CRTC3: variants seen among roughly 807,000 people sequenced by gnomAD.
CRTC3 encodes the protein CREB regulated transcription coactivator 3.
A neutral mutation model predicts 74.5 loss-of-function variants in CRTC3; 26 were observed. That is an observed-to-expected ratio of 0.35 (90% CI 0.26 to 0.48). The LOEUF (loss-of-function observed/expected upper bound fraction) is 0.48. CRTC3 is among the 20% of genes least tolerant of loss of function. CRTC3 has a pLI of 0.99. For synonymous variants in CRTC3, 377 were observed against 325.8 expected, an observed-to-expected ratio of 1.16 and a Z score of -1.69; for missense variants, 760 against 787.3, an observed-to-expected ratio of 0.97 and a Z score of 0.41.
chr15:90,591,110 A>G (rs1349143027), intron 2 of CRTC3, among the ~76,000 whole-genome samples: 1 of 136,142 alleles, frequency 7.3e-6, no homozygotes, highest in Admixed American at 7.4e-5. Context: ...GGGCACCACC[A>G]CGCCCCACTA....
At chr15:90,555,809 T>C (rs1248561806) in intron 2 of CRTC3, among the ~76,000 whole-genome samples, 1 of 152,216 alleles carries the variant, frequency 6.6e-6, no homozygotes, top group Non-Finnish European at 1.5e-5. Flanking sequence ...TGAGCCACCA[T>C]GCCTGGCCTC....
intron 2 of CRTC3, among the ~76,000 whole-genome samples, chr15:90,544,827 CAG>C (rs763659986): frequency 1.3e-5 from 2 of 152,166 alleles, no homozygotes; most frequent in African/African-American, 2.4e-5. Context: ...GGTTAAAAAA[CAG>C]AACATAAAAT....
chr15:90,638,825 C>G lies in CRTC3; in HGVS notation c.1548+10C>G, dbSNP rs756726567. 3.1e-6 allele frequency: 5 copies of G among 1,610,284 alleles called. No individual in the cohort carries two copies. The East Asian group carries it at 1.1e-4, about 36-fold the overall frequency. On this transcript the variant is annotated intron_variant, in intron 13 of 14. Coordinates refer to ENST00000268184, the MANE Select transcript of CRTC3 (RefSeq NM_022769.5). ...TGCCTTTCCTCAACAGGTGGGTGAT[C>G]GCCCCTGCCTTCTCCTCCCTTGGTG...
At chr15:90,601,877 T>C (rs1968079456) in intron 3 of CRTC3, among the ~76,000 whole-genome samples, 1 of 152,238 alleles carries the variant, frequency 6.6e-6, no homozygotes, top group Admixed American at 6.5e-5. Context: ...ACCAGCCCTA[T>C]TGGGGCACTC....
intron 2 of CRTC3, among the ~76,000 whole-genome samples, chr15:90,556,727 A>G (rs1235915904): frequency 6.6e-6 from 1 of 152,134 alleles, no homozygotes; most frequent in African/African-American, 2.4e-5. Flanking sequence ...ATGGTATACA[A>G]TTATGCACAG....
chr15:90,614,695 C>G lies in CRTC3; in HGVS notation c.613+207C>G, dbSNP rs146875484. ...AGAAAGGAAATATGTGGTTGCATTA[C>G]AAAGGTTCCTTTTTATCTAGGTCCC... On this transcript the variant is annotated intron_variant, in intron 7 of 14. Transcript: ENST00000268184. 1,702 of 481,154 alleles carry G rather than the reference C, an allele frequency of 3.5e-3. 9 individuals are homozygous for G. The highest frequency in any genetic ancestry group is 0.016 in the South Asian group (383 of 23,330). 29.8% of individuals were successfully genotyped at this position (481,154 alleles called of 1,614,324 possible). A position where few individuals can be genotyped will look rare whatever the true frequency, so the allele number is the denominator to read the frequency against.
intron 2 of CRTC3, among the ~76,000 whole-genome samples, chr15:90,579,190 T>C (rs1967477644): frequency 2.6e-5 from 4 of 152,218 alleles, no homozygotes; most frequent in Admixed American, 2.6e-4. Context: ...TTGGAGGTGA[T>C]TTATAGTATA....
chr15:90,550,206 A>G (rs528303073), intron 2 of CRTC3, among the ~76,000 whole-genome samples: 141 of 151,714 alleles, frequency 9.3e-4, no homozygotes, highest in South Asian at 1.5e-3. Context: ...AGGTGGGCAG[A>G]TCACCTGAAG....
At chr15:90,562,265 T>C (rs1438943789) in intron 2 of CRTC3, among the ~76,000 whole-genome samples, 1 of 152,242 alleles carries the variant, frequency 6.6e-6, no homozygotes, top group Non-Finnish European at 1.5e-5. Context: ...GAACAGTTAC[T>C]GAGTACCTGA....
In CRTC3 at chr15:90,556,325, G is replaced by A. The variant is rs1053303195; in HGVS notation, c.231+16188G>A. Among the ~76,000 whole-genome samples the A allele has an allele frequency of 2.6e-5, 4 of 152,092 alleles. No individual in the cohort carries two copies. The East Asian group carries it at 7.7e-4, about 29-fold the overall frequency. On this transcript the variant is annotated intron_variant, in intron 2 of 14. Coordinates refer to ENST00000268184, the MANE Select transcript of CRTC3 (RefSeq NM_022769.5). Reference sequence around the variant, plus strand: ...CCACAAGTAGAATTCTGAAACCAAAGGGTAGAAATATCGCCACCGTTGTTA... The same window carrying A: ...CCACAAGTAGAATTCTGAAACCAAAAGGTAGAAATATCGCCACCGTTGTTA...
At chr15:90,547,266 A>G (rs1335505301) in intron 2 of CRTC3, among the ~76,000 whole-genome samples, 2 of 152,214 alleles carry the variant, frequency 1.3e-5, no homozygotes, top group Admixed American at 6.5e-5. Flanking sequence ...GCAATTTGCA[A>G]TATATGATAC....
At chr15:90,638,931 T>C in intron 13 of CRTC3, 116 bp downstream of exon 13, 1 of 883,518 alleles carries the variant, frequency 1.1e-6, no homozygotes, top group Non-Finnish European at 1.8e-6. Flanking sequence ...CTGGTTCTGG[T>C]TGTGTTCTGT....
At position 90,530,996 on chromosome 15, in the gene CRTC3, G is replaced by C. The variant is rs191669774; in HGVS notation, c.132+793G>C. Among the ~76,000 whole-genome samples the C allele has an allele frequency of 6.6e-6, 1 of 152,136 alleles. No individual in the cohort carries two copies. Among genetic ancestry groups the C allele is most frequent in the Non-Finnish European group, 1.5e-5 (1 of 67,996 alleles). ...GCAGAGAAGGGGGGTCAGCAGGAGT[G>C]GGGCTGGCCTTGAGGATCCTGAATG... On this transcript the variant is annotated intron_variant, in intron 1 of 14. Coordinates refer to ENST00000268184, the MANE Select transcript of CRTC3 (RefSeq NM_022769.5). This position sits in a 1 kb window ranked among gnomAD's most constrained non-coding sequence, Gnocchi z 6.2.
In CRTC3 at chr15:90,643,771, G is replaced by A. The variant is rs1969533968; in HGVS notation, c.*1631G>A. 3 of 232,894 alleles carry A rather than the reference G, an allele frequency of 1.3e-5. No homozygotes were observed. The highest frequency in any genetic ancestry group is 6.6e-5 in the African/African-American group (3 of 45,248). The allele number at this position is 232,894 out of a possible 1,614,324, so 14.4% of individuals were successfully genotyped here. ...TGAGAGGACAGGGTGGAGAGGAGGA[G>A]AACCCTGAAGGAGAGACGGAAGATG... On this transcript the variant is annotated 3_prime_UTR_variant, in exon 15 of 15. Transcript: ENST00000268184.
intron 14 of CRTC3, 52 bp from the exon 15 acceptor site, chr15:90,641,880 A>T: frequency 6.5e-7 from 1 of 1,533,802 alleles, no homozygotes; most frequent in Non-Finnish European, 9.0e-7. Flanking sequence ...AGTAGCCTGG[A>T]GCCTTCGCGC....
chr15:90,616,725 C>T (rs1968503009), intron 7 of CRTC3, among the ~76,000 whole-genome samples: 1 of 152,180 alleles, frequency 6.6e-6, no homozygotes, highest in Non-Finnish European at 1.5e-5. Flanking sequence ...TGTTCTGTGA[C>T]CCAGCATTCT....
At chr15:90,622,730 A>T (rs1466528582) in intron 9 of CRTC3, among the ~76,000 whole-genome samples, 1 of 152,172 alleles carries the variant, frequency 6.6e-6, no homozygotes, top group African/African-American at 2.4e-5. Flanking sequence ...ACATGCCTGT[A>T]ATCCCAGCTA....
At chr15:90,545,501 G>A (rs867633322) in intron 2 of CRTC3, among the ~76,000 whole-genome samples, 44 of 150,478 alleles carry the variant, frequency 2.9e-4, no homozygotes, top group African/African-American at 9.5e-4. Flanking sequence ...CCAGGTTCAA[G>A]CAGTTCTACT....
chr15:90,621,809 A>AGAT lies in CRTC3; in HGVS notation c.749+2020_749+2022dup, dbSNP rs1968661604. On this transcript the variant is annotated intron_variant, in intron 9 of 14. Coordinates refer to ENST00000268184, the MANE Select transcript of CRTC3 (RefSeq NM_022769.5). Reference sequence around the variant, plus strand: ...AGTTGCTTTCTTGCTCTTACTTTACAGATAGAATTCCATTCAGTGACTTCT... The same window carrying AGAT: ...AGTTGCTTTCTTGCTCTTACTTTACAGATGATAGAATTCCATTCAGTGACTTCT... 1.1e-4 allele frequency among the ~76,000 whole-genome samples: 16 copies of AGAT among 152,240 alleles called. 1 individual carries two copies. The highest frequency in any genetic ancestry group is 1.0e-3 in the Admixed American group (16 of 15,288).
Sources: allele counts gnomAD v4.1 joint callset (sites outside exome capture counted in the v4.1 genomes callset), GRCh38; gene constraint gnomAD v4.1.1; non-coding constraint Gnocchi (gnomAD v3.1); transcripts MANE v1.5; gene names NCBI Gene and HGNC (gene_info 2026-07-23, HGNC 2026-07-21).